Variants in CUEDC1 observed in about 807,000 individuals in gnomAD.
CUEDC1 encodes CUE domain containing 1, also known as CUE domain-containing protein 1.
In CUEDC1, 30 loss-of-function variants were observed where a neutral mutation model predicts 43.7. That is an observed-to-expected ratio of 0.69 (90% CI 0.51 to 0.93). The LOEUF (loss-of-function observed/expected upper bound fraction) is 0.93. Ranked by LOEUF, CUEDC1 falls within the 40% of genes least tolerant of loss-of-function variation. The pLI, the probability that CUEDC1 is intolerant of heterozygous loss-of-function variation, is 0.00. For synonymous variants in CUEDC1, 223 were observed against 223.6 expected, an observed-to-expected ratio of 1.00 and a Z score of 0.02; for missense variants, 486 against 549.0, an observed-to-expected ratio of 0.89 and a Z score of 1.15.
At chr17:57,950,211 C>T (rs2074993161) in intron 1 of CUEDC1, among the ~76,000 whole-genome samples, 1 of 151,134 alleles carries the variant, frequency 6.6e-6, no homozygotes, top group Admixed American at 6.6e-5. Flanking sequence ...AGTGTAGTGG[C>T]GCGATCTCGG....
At chr17:57,920,611 T>C (rs2074688611) in intron 1 of CUEDC1, among the ~76,000 whole-genome samples, 1 of 147,294 alleles carries the variant, frequency 6.8e-6, no homozygotes. Flanking sequence ...CTTTTTATTA[T>C]CTGAATTTTC....
Position 57,930,016 on chromosome 17 carries a change from T to C in CUEDC1, c.-316+25209A>G, listed in dbSNP as rs1358028422. 6.6e-6 allele frequency among the ~76,000 whole-genome samples: 1 copy of C among 152,174 alleles called. No individual in the cohort carries two copies. The highest frequency in any genetic ancestry group is 1.5e-5 in the Non-Finnish European group (1 of 68,028). Reference sequence around the variant, plus strand: ...CAGGGTTTCACCATGTTTGTCGGGCTGGTATCGAACTCCTGCCCTCAGGTG... The same window carrying C: ...CAGGGTTTCACCATGTTTGTCGGGCCGGTATCGAACTCCTGCCCTCAGGTG... On this transcript the variant is annotated intron_variant, in intron 1 of 10. Coordinates refer to ENST00000577830, the MANE Select transcript of CUEDC1 (RefSeq NM_001271875.2). This position sits in a 1 kb window ranked among gnomAD's most constrained non-coding sequence, Gnocchi z 4.2.
intron 10 of CUEDC1, among the ~76,000 whole-genome samples, chr17:57,865,632 C>T (rs577545526): frequency 6.7e-4 from 102 of 152,192 alleles, no homozygotes; most frequent in African/African-American, 2.4e-3. Context: ...TTCTTTTTCT[C>T]CCCAAGAGGG....
Position 57,879,650 on chromosome 17 carries a change from T to TCGAACA in CUEDC1, c.419_424dup (p.Val140_Phe141dup). 6.2e-7 allele frequency: 1 copy of TCGAACA among 1,604,892 alleles called. No individual in the cohort carries two copies. The highest frequency in any genetic ancestry group is 8.5e-7 in the Non-Finnish European group (1 of 1,177,002). ...CGGGGGAGCCAGAGGGTAGGGCCGGTCGAACACGTGCATGTGGTAGGCTGG... is the reference window on the plus strand; with the variant it reads ...CGGGGGAGCCAGAGGGTAGGGCCGGTCGAACACGAACACGTGCATGTGGTAGGCTGG... On this transcript the variant is annotated inframe_insertion, in exon 3 of 11. Coordinates refer to ENST00000577830, the MANE Select transcript of CUEDC1 (RefSeq NM_001271875.2).
chr17:57,937,148 C>T (rs1001493772), intron 1 of CUEDC1, among the ~76,000 whole-genome samples: 1 of 152,072 alleles, frequency 6.6e-6, no homozygotes. Context: ...GGCCTGGGCA[C>T]CCTGCCATGG....
chr17:57,896,767 CT>C (rs747788787), intron 1 of CUEDC1, among the ~76,000 whole-genome samples: 208 of 112,248 alleles, frequency 1.9e-3, no homozygotes, highest in African/African-American at 4.1e-3. Flanking sequence ...TTTCTTCTTT[CT>C]TTTTTTTTTT....
At chr17:57,913,673 C>T (rs1598005630) in intron 1 of CUEDC1, among the ~76,000 whole-genome samples, 10 of 151,830 alleles carry the variant, frequency 6.6e-5, no homozygotes, top group Admixed American at 6.6e-4. Flanking sequence ...TCATTTCTGC[C>T]CCCCATCCCA....
chr17:57,936,638 C>T (rs9890561), intron 1 of CUEDC1, among the ~76,000 whole-genome samples: 34,564 of 151,952 alleles, frequency 0.23, 4,230 homozygotes, highest in African/African-American at 0.29. Context: ...CATGGCACTA[C>T]TGTGCTGGCA....
chr17:57,869,254 C>A (rs529119429), intron 6 of CUEDC1, 61 bp from the exon 7 acceptor site: 1 of 1,446,028 alleles, frequency 6.9e-7, no homozygotes, highest in Non-Finnish European at 9.7e-7. Flanking sequence ...CTGTCCCAGC[C>A]CTACCCACCC....
intron 1 of CUEDC1, among the ~76,000 whole-genome samples, chr17:57,912,121 C>T (rs563867145): frequency 2.6e-5 from 4 of 152,212 alleles, no homozygotes; most frequent in East Asian, 1.9e-4. Context: ...CGCAGCCCAA[C>T]GCCCCCACCC....
At chr17:57,937,183 G>T (rs1314213207) in intron 1 of CUEDC1, among the ~76,000 whole-genome samples, 1 of 152,156 alleles carries the variant, frequency 6.6e-6, no homozygotes, top group East Asian at 1.9e-4. Flanking sequence ...CCTGGCCTCA[G>T]CTTCTATTAA....
At chr17:57,910,948 G>A (rs890000834) in intron 1 of CUEDC1, among the ~76,000 whole-genome samples, 27 of 152,010 alleles carry the variant, frequency 1.8e-4, no homozygotes, top group Admixed American at 9.2e-4. Context: ...TCCCAAGCCC[G>A]CTTCCCTGAT....
chr17:57,919,032 T>C (rs28484748), intron 1 of CUEDC1, among the ~76,000 whole-genome samples: 11,771 of 151,318 alleles, frequency 0.078, 483 homozygotes, highest in Non-Finnish European at 0.094. Context: ...TTTTGTATTA[T>C]AGTAGAGACA....
intron 1 of CUEDC1, among the ~76,000 whole-genome samples, chr17:57,937,900 T>C (rs1201217179): frequency 6.6e-6 from 1 of 152,090 alleles, no homozygotes; most frequent in East Asian, 1.9e-4. Flanking sequence ...GAGAGAGACC[T>C]AGTCTCAAGA....
chr17:57,891,448 C>G (rs570130759), intron 1 of CUEDC1, among the ~76,000 whole-genome samples: 1 of 152,322 alleles, frequency 6.6e-6, no homozygotes, highest in South Asian at 2.1e-4. Flanking sequence ...AGCTACCATA[C>G]CCTCCCTAGC....
At chr17:57,900,580 C>T (rs574563591) in intron 1 of CUEDC1, among the ~76,000 whole-genome samples, 13 of 152,322 alleles carry the variant, frequency 8.5e-5, no homozygotes, top group South Asian at 4.1e-4. Context: ...AAGTACTTCT[C>T]GTGCATCACA....
At chr17:57,878,647 ATTATTTATTTATTTAT>A (rs10528320) in intron 3 of CUEDC1, among the ~76,000 whole-genome samples, 1 of 147,300 alleles carries the variant, frequency 6.8e-6, no homozygotes, top group Non-Finnish European at 1.5e-5. Context: ...AACTACCTTG[ATTATTTATTTATTTAT>A]TTATTTATTT....
chr17:57,868,549 ACGCATCTTGGCT>A (rs2073992040), intron 7 of CUEDC1: 1 of 424,986 alleles, frequency 2.4e-6, no homozygotes, highest in African/African-American at 2.0e-5. Flanking sequence ...ACACACTGCA[ACGCATCTTGGCT>A]CGCTTTCCCG....
chr17:57,887,961 C>T lies in CUEDC1; in HGVS notation c.-315-2082G>A, dbSNP rs192393347. On this transcript the variant is annotated intron_variant, in intron 1 of 10. Transcript: ENST00000577830. ...TGTAGCCCAGGCCGGAGTGCAGTGG[C>T]GTGATCTTGGCTCACCGCAACCTCC... Among the ~76,000 whole-genome samples the T allele has an allele frequency of 6.0e-3, 786 of 130,684 alleles. 3 individuals carry two copies. The highest frequency in any genetic ancestry group is 8.7e-3 in the Non-Finnish European group (557 of 64,318). 85.7% of individuals were successfully genotyped at this position (130,684 alleles called of 152,430 possible).
Sources: allele counts gnomAD v4.1 joint callset (sites outside exome capture counted in the v4.1 genomes callset), GRCh38; gene constraint gnomAD v4.1.1; non-coding constraint Gnocchi (gnomAD v3.1); transcripts MANE v1.5; gene names NCBI Gene and HGNC (gene_info 2026-07-23, HGNC 2026-07-21).